TAF15: variants seen among roughly 807,000 people sequenced by gnomAD.
TAF15 encodes the protein TATA-binding protein-associated factor 2N.
A neutral mutation model predicts 102.5 loss-of-function variants in TAF15; 37 were observed. The observed-to-expected ratio is 0.36, with a 90% CI of 0.28 to 0.47. TAF15 has a LOEUF of 0.47. Ranked by LOEUF, TAF15 falls within the 20% of genes least tolerant of loss-of-function variation. The pLI, the probability that TAF15 is intolerant of heterozygous loss-of-function variation, is 0.99. For synonymous variants in TAF15, 273 were observed against 259.2 expected, an observed-to-expected ratio of 1.05 and a Z score of -0.51; for missense variants, 652 against 760.7, an observed-to-expected ratio of 0.86 and a Z score of 1.68.
chr17:35,831,512 G>A (rs958081741), intron 7 of TAF15, among the ~76,000 whole-genome samples: 6 of 152,032 alleles, frequency 3.9e-5, no homozygotes, highest in African/African-American at 1.5e-4. Context: ...TTTGCCAGGG[G>A]TATGTCCTTT....
intron 7 of TAF15, among the ~76,000 whole-genome samples, chr17:35,828,193 C>T (rs761724387): frequency 6.6e-6 from 1 of 151,936 alleles, no homozygotes; most frequent in Non-Finnish European, 1.5e-5. Context: ...AGTTAACTGC[C>T]GTAGAAATAC....
At chr17:35,814,898 C>T (rs895773206) in intron 1 of TAF15, among the ~76,000 whole-genome samples, 2 of 148,948 alleles carry the variant, frequency 1.3e-5, no homozygotes, top group African/African-American at 4.9e-5. Flanking sequence ...ATATATAAAA[C>T]CTAAATGACA....
At chr17:35,831,723 G>A (rs1197029997) in intron 7 of TAF15, among the ~76,000 whole-genome samples, 4 of 151,966 alleles carry the variant, frequency 2.6e-5, no homozygotes, top group South Asian at 2.1e-4. Flanking sequence ...CTTTATCCTC[G>A]GAACTTTAAC....
At position 35,810,004 on chromosome 17, in the gene TAF15, T is replaced by A. The variant is rs541137316; in HGVS notation, c.7+428T>A. 3 of 310,908 alleles carry A rather than the reference T, an allele frequency of 9.6e-6. No homozygotes were observed. The Admixed American group carries it at 1.4e-4, about 14-fold the overall frequency. 19.3% of individuals were successfully genotyped at this position (310,908 alleles called of 1,614,324 possible). A position where few individuals can be genotyped will look rare whatever the true frequency, so the allele number is the denominator to read the frequency against. On this transcript the variant is annotated intron_variant, in intron 1 of 15. Coordinates refer to ENST00000605844, the MANE Select transcript of TAF15 (RefSeq NM_139215.3). ...TCGGGCCAGTCATCTCGCCGCCTCG[T>A]ACCTCAGTTTTCCCATCCTCGAAGT...
chr17:35,827,935 A>G (rs531365420), intron 7 of TAF15, among the ~76,000 whole-genome samples: 107 of 152,336 alleles, frequency 7.0e-4, no homozygotes, highest in South Asian at 3.5e-3. Flanking sequence ...GCAAAAAAAA[A>G]GAAAATTTCT....
chr17:35,840,548 G>T (rs1196909780), intron 11 of TAF15, among the ~76,000 whole-genome samples: 1 of 150,736 alleles, frequency 6.6e-6, no homozygotes, highest in African/African-American at 2.4e-5. Context: ...CACCGCACTG[G>T]GCCAGCTCTT....
At chr17:35,817,201 A>C (rs1037407280) in intron 1 of TAF15, 1 of 153,626 alleles carries the variant, frequency 6.5e-6, no homozygotes, top group Admixed American at 6.5e-5. Context: ...TAAAATCAGA[A>C]TAGAGCAACT....
intron 15 of TAF15, among the ~76,000 whole-genome samples, chr17:35,845,775 C>G (rs1411368390): frequency 6.6e-6 from 1 of 152,222 alleles, no homozygotes; most frequent in African/African-American, 2.4e-5. Context: ...GCGTGAGCCA[C>G]TGTGCCTGTC....
chr17:35,838,453 A>C lies in TAF15; in HGVS notation c.813A>C (p.Ile271=). The change falls in exon 11 of 16, where the codon ATA becomes ATC. Residue 271 remains isoleucine (I), a synonymous_variant. Transcript: ENST00000605844. ...KTNKKTGKPM[I]NLYTDKDTGK... Reference sequence around the variant, plus strand: ...ATAAGAAGACCGGAAAACCAATGATAAATCTTTATACAGACAAGGACACAG... The same window carrying C: ...ATAAGAAGACCGGAAAACCAATGATCAATCTTTATACAGACAAGGACACAG... The C allele has an allele frequency of 6.2e-7, 1 of 1,614,222 alleles. No homozygotes were observed.
At chr17:35,842,010 CCT>C (rs1489036262) in intron 11 of TAF15, among the ~76,000 whole-genome samples, 5 of 152,194 alleles carry the variant, frequency 3.3e-5, no homozygotes, top group African/African-American at 1.2e-4. Context: ...TTTCTCCACC[CCT>C]GACACCATCT....
In TAF15 at chr17:35,840,462, C is replaced by T. The variant is rs112305281; in HGVS notation, c.914-1905C>T. On this transcript the variant is annotated intron_variant, in intron 11 of 15. Coordinates refer to ENST00000605844, the MANE Select transcript of TAF15 (RefSeq NM_139215.3). ...GAGACAGGGGTTTCACTGTGTTAGCCAGGATGGTCTCCATCTCCTGACCTC... is the reference window on the plus strand; with the variant it reads ...GAGACAGGGGTTTCACTGTGTTAGCTAGGATGGTCTCCATCTCCTGACCTC... Among the ~76,000 whole-genome samples the T allele has an allele frequency of 7.0e-3, 1,055 of 150,888 alleles. 12 individuals are homozygous for T. Among genetic ancestry groups the T allele is most frequent in the African/African-American group, 0.024 (1,008 of 41,364 alleles).
intron 15 of TAF15, among the ~76,000 whole-genome samples, chr17:35,846,265 A>G (rs764863810): frequency 6.6e-5 from 10 of 152,206 alleles, no homozygotes; most frequent in Non-Finnish European, 1.5e-4. Context: ...GAGTGTCAGT[A>G]TTCTTATCTG....
chr17:35,842,168 T>G (rs1246917157), intron 11 of TAF15, among the ~76,000 whole-genome samples, 199 bp from the exon 12 acceptor site: 1 of 152,128 alleles, frequency 6.6e-6, no homozygotes, highest in Non-Finnish European at 1.5e-5. Context: ...AAGAAGTGAC[T>G]GTCTCCCAGT....
At chr17:35,810,040 C>T (rs1236216316) in intron 1 of TAF15, 2 of 278,364 alleles carry the variant, frequency 7.2e-6, no homozygotes, top group East Asian at 9.4e-5. Context: ...GGAGCTGGGC[C>T]TGCCTGACTC....
chr17:35,819,449 A>T (rs1041043508), intron 2 of TAF15, among the ~76,000 whole-genome samples: 4 of 152,178 alleles, frequency 2.6e-5, no homozygotes, highest in African/African-American at 9.7e-5. Flanking sequence ...AGGCCCTGCT[A>T]CAATACTGAG....
At chr17:35,830,599 G>A (rs1307067545) in intron 7 of TAF15, among the ~76,000 whole-genome samples, 2 of 152,104 alleles carry the variant, frequency 1.3e-5, no homozygotes, top group Non-Finnish European at 2.9e-5. Flanking sequence ...ACTACTTGAA[G>A]GTTATTTTCT....
intron 1 of TAF15, chr17:35,810,140 T>C (rs2087108149): frequency 5.8e-6 from 1 of 171,640 alleles, no homozygotes; most frequent in African/African-American, 2.5e-5. Context: ...TTATTCACTC[T>C]GCAGTAACCA....
intron 10 of TAF15, 140 bp from the exon 11 acceptor site, chr17:35,838,284 A>G: frequency 3.7e-6 from 4 of 1,071,092 alleles, no homozygotes; most frequent in African/African-American, 3.2e-5. Context: ...CTAAACCTAC[A>G]GGTAACTTAT....
chr17:35,835,798 A>G (rs925602438), intron 9 of TAF15, among the ~76,000 whole-genome samples: 2 of 152,272 alleles, frequency 1.3e-5, no homozygotes, highest in South Asian at 2.1e-4. Context: ...CTCCAGAGAA[A>G]GAAATGCTAA....
Sources: gnomAD v4.1 joint callset for allele counts (sites outside exome capture counted in the v4.1 genomes callset) on GRCh38, gnomAD v4.1.1 for gene constraint, MANE v1.5 for transcripts, NCBI Gene and HGNC (gene_info 2026-07-23, HGNC 2026-07-21) for gene names.